The following ELK3 variants were observed in gnomAD, a reference collection of about 807,000 sequenced individuals.
ELK3 encodes the protein ETS domain-containing protein Elk-3.
ELK3 carries 10 observed loss-of-function variants against 28.9 expected under a neutral mutation model. The observed-to-expected ratio is 0.35, with a 90% CI of 0.21 to 0.59. The LOEUF is 0.59. Ranked by LOEUF, ELK3 falls within the 20% of genes least tolerant of loss-of-function variation. The probability of loss-of-function intolerance (pLI) is 0.82; values close to 1 mark genes in which losing one functional copy is unlikely to be tolerated. For synonymous variants in ELK3, 272 were observed against 243.5 expected (o/e 1.12, Z -1.09); for missense variants, 463 against 517.3 (o/e 0.90, Z 1.02).
chr12:96,246,410 C>T (rs182242176), intron 2 of ELK3, among the ~76,000 whole-genome samples: 4 of 152,270 alleles, frequency 2.6e-5, no homozygotes, highest in Admixed American at 2.6e-4. Context: ...TAGAATAATC[C>T]TCACTCGGCC....
At chr12:96,199,840 T>C (rs1951497596) in intron 1 of ELK3, among the ~76,000 whole-genome samples, 1 of 152,212 alleles carries the variant, frequency 6.6e-6, no homozygotes. Flanking sequence ...GCTTTACTTG[T>C]ATATTTTTAA....
At chr12:96,228,985 T>C (rs142088893) in intron 2 of ELK3, among the ~76,000 whole-genome samples, 8 of 152,362 alleles carry the variant, frequency 5.3e-5, no homozygotes, top group East Asian at 3.9e-4. Flanking sequence ...TGTGTATTTA[T>C]AAAACTGACT....
At chr12:96,226,287 G>C (rs1022287635) in intron 2 of ELK3, among the ~76,000 whole-genome samples, 7 of 152,234 alleles carry the variant, frequency 4.6e-5, no homozygotes, top group Admixed American at 3.9e-4. Flanking sequence ...AGAGCATGGG[G>C]GCTGGCCACA....
At chr12:96,237,415 G>GC (rs11462378) in intron 2 of ELK3, among the ~76,000 whole-genome samples, 38,124 of 152,070 alleles carry the variant, frequency 0.25, 5,829 homozygotes, top group Middle Eastern at 0.37. Context: ...AGGTGAGCCT[G>GC]CCCCCCAGAC....
Position 96,238,897 on chromosome 12 carries a change from C to G in ELK3, c.208-8043C>G, listed in dbSNP as rs114073705. 2.0e-3 allele frequency among the ~76,000 whole-genome samples: 308 copies of G among 152,282 alleles called. 1 individual carries two copies. Among genetic ancestry groups the G allele is most frequent in the African/African-American group, 7.2e-3 (298 of 41,552 alleles). On this transcript the variant is annotated intron_variant, in intron 2 of 4. Coordinates refer to ENST00000228741, the MANE Select transcript of ELK3 (RefSeq NM_005230.4). Reference sequence around the variant, plus strand: ...TCTGGAATGCAGAGACCCCTTGGCCCTGTCGGATTTACTTTAGTAGCAGCC... The same window carrying G: ...TCTGGAATGCAGAGACCCCTTGGCCGTGTCGGATTTACTTTAGTAGCAGCC...
intron 3 of ELK3, among the ~76,000 whole-genome samples, chr12:96,249,980 G>A (rs956398886): frequency 2.0e-5 from 3 of 152,196 alleles, no homozygotes; most frequent in South Asian, 2.1e-4. Context: ...AGCTGTGAGG[G>A]TGGGGCTGTG....
chr12:96,259,711 CTGTT>C lies in ELK3; in HGVS notation c.1003-17_1003-14del, dbSNP rs1332703207. On this transcript the variant is annotated splice_polypyrimidine_tract_variant and intron_variant, in intron 3 of 4. Coordinates refer to ENST00000228741, the MANE Select transcript of ELK3 (RefSeq NM_005230.4). ...GTCAGGTGAACCTATATGAAGAAGT[CTGTT>C]TGCTTTACTTCCCAGACACCAAATG... The C allele has an allele frequency of 1.6e-5, 25 of 1,604,562 alleles. No individual in the cohort carries two copies. The highest frequency in any genetic ancestry group is 2.1e-5 in the Non-Finnish European group (25 of 1,175,760).
At position 96,259,765 on chromosome 12, in the gene ELK3, T is replaced by G. The variant is rs780808458; in HGVS notation, c.1037T>G (p.Leu346Arg). The G allele has an allele frequency of 6.2e-7, 1 of 1,611,226 alleles. No individual in the cohort carries two copies. The highest frequency in any genetic ancestry group is 2.2e-5 in the East Asian group (1 of 44,796). Reference protein sequence around the residue: ...PNGLLLTPSPLLSSIHFWSSL... With the variant: ...PNGLLLTPSPRLSSIHFWSSL... ...GGATTGCTTCTGACTCCGAGTCCAC[T>G]GCTCTCCAGCATACATTTCTGGAGC... The change falls in exon 4 of 5, where the codon CTG (leucine) becomes CGG (arginine). Residue 346 changes from leucine (L) to arginine (R), a missense_variant. Around this residue, in one of 2 missense-constraint regions of ELK3, gnomAD observed 408 missense variants for 414.8 expected, o/e 0.98. Coordinates refer to ENST00000228741, the MANE Select transcript of ELK3 (RefSeq NM_005230.4).
intron 1 of ELK3, among the ~76,000 whole-genome samples, chr12:96,201,054 A>G (rs1047478359): frequency 3.3e-5 from 5 of 152,236 alleles, no homozygotes. Flanking sequence ...TGATTCTACC[A>G]TATAGATTCT....
Position 96,245,031 on chromosome 12 carries a change from G to C in ELK3, c.208-1909G>C, listed in dbSNP as rs553262450. 2.0e-5 allele frequency among the ~76,000 whole-genome samples: 3 copies of C among 152,250 alleles called. No homozygotes were observed. The East Asian group carries it at 5.8e-4, about 29-fold the overall frequency. On this transcript the variant is annotated intron_variant, in intron 2 of 4. Transcript: ENST00000228741. ...AGCTCCAGGATGCAGCAAGGTGGCC[G>C]CGGCCACTGGAACTGTTGTTTGGCC...
chr12:96,224,474 A>G (rs574288806), intron 2 of ELK3, among the ~76,000 whole-genome samples: 1 of 152,192 alleles, frequency 6.6e-6, no homozygotes, highest in Admixed American at 6.5e-5. Flanking sequence ...TACTTAGAAC[A>G]CTGCTTGGTA....
intron 1 of ELK3, among the ~76,000 whole-genome samples, chr12:96,197,332 G>T (rs1317396111): frequency 1.3e-5 from 2 of 152,158 alleles, no homozygotes; most frequent in Admixed American, 6.5e-5. Flanking sequence ...GACGCCAGGG[G>T]TGCTGCTAAC....
At chr12:96,236,422 T>C (rs1353832466) in intron 2 of ELK3, among the ~76,000 whole-genome samples, 1 of 152,142 alleles carries the variant, frequency 6.6e-6, no homozygotes, top group Non-Finnish European at 1.5e-5. Flanking sequence ...GGTGAGATAG[T>C]TCACGCTGCA....
At chr12:96,248,077 G>A (rs1032592395) in intron 3 of ELK3, among the ~76,000 whole-genome samples, 3 of 152,198 alleles carry the variant, frequency 2.0e-5, no homozygotes, top group East Asian at 1.9e-4. Flanking sequence ...TTCGGGAGGC[G>A]CTTGGGCTTT....
chr12:96,214,582 TAATA>T (rs1414790076), intron 1 of ELK3, among the ~76,000 whole-genome samples: 1 of 152,238 alleles, frequency 6.6e-6, no homozygotes, highest in African/African-American at 2.4e-5. Flanking sequence ...AAATACTTGT[TAATA>T]AATGAAAAGC....
At position 96,260,548 on chromosome 12, in the gene ELK3, TC is replaced by T. The variant is rs766920201; in HGVS notation, c.1125+697del. On this transcript the variant is annotated intron_variant, in intron 4 of 4. Coordinates refer to ENST00000228741, the MANE Select transcript of ELK3 (RefSeq NM_005230.4). The stretch of plus-strand genomic sequence containing the variant: ...TTAGCTGCTTTATCTTATAGAACTC[TC>T]CATACTAGGCGAGCACCTTCATTAT... 1.0e-2 allele frequency among the ~76,000 whole-genome samples: 1,519 copies of T among 152,286 alleles called. 41 individuals carry two copies. The highest frequency in any genetic ancestry group is 0.061 in the Admixed American group (928 of 15,282).
chr12:96,235,731 T>G (rs572487435), intron 2 of ELK3, among the ~76,000 whole-genome samples: 2 of 152,202 alleles, frequency 1.3e-5, no homozygotes, highest in Non-Finnish European at 2.9e-5. Context: ...AGGTGGCCGC[T>G]CAACACAGGA....
intron 2 of ELK3, among the ~76,000 whole-genome samples, chr12:96,242,208 G>A (rs1455703013): frequency 1.3e-5 from 2 of 152,112 alleles, no homozygotes; most frequent in Admixed American, 6.5e-5. Flanking sequence ...CTTGTGTCCC[G>A]GGCTGCCTAA....
At chr12:96,248,021 T>C (rs947364654) in intron 3 of ELK3, among the ~76,000 whole-genome samples, 3 of 152,116 alleles carry the variant, frequency 2.0e-5, no homozygotes, top group African/African-American at 7.2e-5. Context: ...ACAAAGCAGA[T>C]CTCACCAGCG....
Sources: gnomAD v4.1 joint callset for allele counts (sites outside exome capture counted in the v4.1 genomes callset) on GRCh38, gnomAD v4.1.1 for gene constraint, gnomAD v4.1.1 regional missense constraint, MANE v1.5 for transcripts, NCBI Gene and HGNC (gene_info 2026-07-23, HGNC 2026-07-21) for gene names.